The following NCOA7 variants were observed in gnomAD, a reference collection of about 807,000 sequenced individuals.
NCOA7 encodes the protein 140 kDa estrogen receptor-associated protein.
In NCOA7, 45 loss-of-function variants were observed where a neutral mutation model predicts 104.3. That is an observed-to-expected ratio of 0.43 (90% CI 0.34 to 0.55). NCOA7 has a LOEUF of 0.55. Among genes scored for constraint, NCOA7 ranks in the 20% least tolerant of loss-of-function variants. The pLI is 0.02. For synonymous variants in NCOA7, 398 were observed against 402.3 expected, an observed-to-expected ratio of 0.99 and a Z score of 0.13; for missense variants, 1,041 against 1,119.7, an observed-to-expected ratio of 0.93 and a Z score of 1.00.
Position 125,855,209 on chromosome 6 carries a change from G to C in NCOA7, c.240G>C (p.Arg80Ser). 4 of 1,612,012 alleles carry C rather than the reference G, an allele frequency of 2.5e-6. No homozygotes were observed. Among genetic ancestry groups the C allele is most frequent in the Non-Finnish European group, 3.4e-6 (4 of 1,179,526 alleles). The stretch of plus-strand genomic sequence containing the variant: ...AAAGTAATCAGTTAAAGGAGATCAG[G>C]CGTACAGAACTAAAGAGATATTATA... ...KRKSNQLKEI[R>S]RTELKRYYSI... The change falls in exon 3 of 16, where the codon AGG becomes AGC. Residue 80 changes from arginine (R) to serine (S), a missense_variant. Coordinates refer to ENST00000392477, the MANE Select transcript of NCOA7 (RefSeq NM_181782.5).
At chr6:125,915,640 C>T (rs1257364928) in intron 11 of NCOA7, among the ~76,000 whole-genome samples, 160 bp downstream of exon 11, 1 of 152,030 alleles carries the variant, frequency 6.6e-6, no homozygotes, top group African/African-American at 2.4e-5. Flanking sequence ...AAAAAAAACA[C>T]CACCACCAGC....
chr6:125,807,714 C>G (rs1238505122), intron 1 of NCOA7, among the ~76,000 whole-genome samples: 1 of 152,078 alleles, frequency 6.6e-6, no homozygotes, highest in Non-Finnish European at 1.5e-5. Flanking sequence ...TAAGGGAGGC[C>G]TCTATATTTT....
At chr6:125,798,878 A>C (rs1775598360) in intron 1 of NCOA7, among the ~76,000 whole-genome samples, 1 of 152,134 alleles carries the variant, frequency 6.6e-6, no homozygotes, top group Non-Finnish European at 1.5e-5. Context: ...TCATTTTGAC[A>C]TATTGTACTT....
At chr6:125,817,512 A>T (rs913241549) in intron 2 of NCOA7, among the ~76,000 whole-genome samples, 1 of 152,148 alleles carries the variant, frequency 6.6e-6, no homozygotes, top group South Asian at 2.1e-4. Context: ...TATTTCCTTA[A>T]TGGTTAGTGA....
intron 1 of NCOA7, among the ~76,000 whole-genome samples, chr6:125,812,445 G>T (rs1240159222): frequency 2.0e-5 from 3 of 152,198 alleles, no homozygotes; most frequent in Admixed American, 1.3e-4. Context: ...CTCTTTGAGG[G>T]TGAAGCCCAA....
intron 9 of NCOA7, 58 bp from the exon 10 acceptor site, chr6:125,890,584 A>T: frequency 6.7e-7 from 1 of 1,496,480 alleles, no homozygotes; most frequent in Non-Finnish European, 9.0e-7. Flanking sequence ...AAGTTGAAAA[A>T]TTCTGCTATT....
intron 1 of NCOA7, among the ~76,000 whole-genome samples, chr6:125,785,444 GA>G (rs1488644646): frequency 6.6e-6 from 1 of 152,050 alleles, no homozygotes; most frequent in Admixed American, 6.5e-5. Flanking sequence ...ATCATGGGGA[GA>G]AAACTAGGAG....
intron 1 of NCOA7, among the ~76,000 whole-genome samples, chr6:125,783,326 C>A (rs1774310741): frequency 6.6e-6 from 1 of 152,162 alleles, no homozygotes. Context: ...GGAAGTGATT[C>A]TTTGAGACTG....
At chr6:125,857,923 C>T (rs542561271) in intron 3 of NCOA7, among the ~76,000 whole-genome samples, 8 of 150,990 alleles carry the variant, frequency 5.3e-5, no homozygotes, top group African/African-American at 1.7e-4. Context: ...AATGATTTCT[C>T]GCTGTAATAG....
chr6:125,872,792 C>T (rs1467568224), intron 3 of NCOA7, among the ~76,000 whole-genome samples: 1 of 152,158 alleles, frequency 6.6e-6, no homozygotes, highest in Non-Finnish European at 1.5e-5. Context: ...TTTGAATCTC[C>T]TTATCTGGAG....
chr6:125,913,767 A>G, intron 10 of NCOA7: 1 of 555,892 alleles, frequency 1.8e-6, no homozygotes, highest in Non-Finnish European at 2.3e-6. Flanking sequence ...CACATTTGAT[A>G]GTTATTAATG....
At chr6:125,896,880 C>A (rs1296413106) in intron 10 of NCOA7, among the ~76,000 whole-genome samples, 1 of 152,210 alleles carries the variant, frequency 6.6e-6, no homozygotes, top group East Asian at 1.9e-4. Flanking sequence ...AGTGCTGTTT[C>A]TCTAATTGGC....
chr6:125,904,402 C>A (rs1174429666), intron 10 of NCOA7, among the ~76,000 whole-genome samples: 3 of 152,150 alleles, frequency 2.0e-5, no homozygotes, highest in Non-Finnish European at 2.9e-5. Context: ...TTACAGAATT[C>A]TTTGTCAGAA....
rs1583554728 is a variant in NCOA7, at chr6:125,921,054, A to G, written c.2356A>G (p.Met786Val). ...LRPHSALLEN[M>V]HIEQLARRLP... is the part of the protein sequence containing the mutation. ...GCCCCACAGCGCGCTCCTGGAGAAT[A>G]TGCACATCGAGCAGGTGGGCTCGCC... The change falls in exon 12 of 16, where the codon ATG becomes GTG. Residue 786 changes from methionine (M) to valine (V), a missense_variant. By Grantham distance (21) the Met-to-Val change is conservative. Around this residue, in one of 2 missense-constraint regions of NCOA7, gnomAD observed 914 missense variants for 942.7 expected, o/e 0.97. Transcript: ENST00000392477. 3 of 1,613,144 alleles carry G rather than the reference A, an allele frequency of 1.9e-6. No homozygotes were observed. Among genetic ancestry groups the G allele is most frequent in the Non-Finnish European group, 2.5e-6 (3 of 1,179,490 alleles).
At chr6:125,799,030 G>C (rs116420487) in intron 1 of NCOA7, among the ~76,000 whole-genome samples, 2 of 152,112 alleles carry the variant, frequency 1.3e-5, no homozygotes, top group Admixed American at 1.3e-4. Context: ...AGAATAAGCA[G>C]ACCAAGTAAA....
chr6:125,860,268 A>G (rs1583400429), intron 3 of NCOA7, among the ~76,000 whole-genome samples: 1 of 152,240 alleles, frequency 6.6e-6, no homozygotes, highest in African/African-American at 2.4e-5. Flanking sequence ...TGGAATGTTT[A>G]TAAATGTATT....
chr6:125,859,086 TG>T (rs552579513), intron 3 of NCOA7, among the ~76,000 whole-genome samples: 51 of 152,300 alleles, frequency 3.3e-4, no homozygotes, highest in African/African-American at 1.2e-3. Context: ...CTTTACTTTT[TG>T]TTTGCTCTAC....
chr6:125,851,084 G>C (rs1490601701), intron 2 of NCOA7, among the ~76,000 whole-genome samples: 4 of 152,050 alleles, frequency 2.6e-5, no homozygotes, highest in African/African-American at 9.7e-5. Flanking sequence ...CCAATTGTTT[G>C]GTGATTTTTG....
At chr6:125,928,299 G>T in intron 15 of NCOA7, 52 bp downstream of exon 15, 1 of 1,510,960 alleles carries the variant, frequency 6.6e-7, no homozygotes. Context: ...CACCTGACCT[G>T]AGTGGGTCTG....
Sources: gnomAD v4.1 joint callset for allele counts (sites outside exome capture counted in the v4.1 genomes callset) on GRCh38, gnomAD v4.1.1 for gene constraint, gnomAD v4.1.1 regional missense constraint, MANE v1.5 for transcripts, NCBI Gene and HGNC (gene_info 2026-07-23, HGNC 2026-07-21) for gene names.